Variants in SS18L1 observed in about 807,000 individuals in gnomAD.
The protein encoded by SS18L1 is calcium-responsive transactivator.
SS18L1 carries 32 observed loss-of-function variants against 70.3 expected under a neutral mutation model. That is an observed-to-expected ratio of 0.46 (90% CI 0.34 to 0.61). The LOEUF (loss-of-function observed/expected upper bound fraction) is 0.61, where lower values mean the gene tolerates loss of function less well. SS18L1 is among the 20% of genes least tolerant of loss of function. The pLI is 0.01. For missense variants in SS18L1, 430 were observed against 542.1 expected (o/e 0.79, Z 2.05); for synonymous variants, 237 against 229.7 (o/e 1.03, Z -0.29).
In SS18L1 at chr20:62,163,599, C is replaced by G; in HGVS notation, c.698C>G (p.Ala233Gly). The change falls in exon 6 of 11, where the codon GCG (alanine) becomes GGG (glycine). Residue 233 changes from alanine to glycine, a missense_variant. Physicochemically the swap from Ala to Gly is moderately conservative, Grantham distance 60. Coordinates refer to ENST00000331758, the MANE Select transcript of SS18L1 (RefSeq NM_198935.3). ...GSSMMGQRPM[A>G]PYRPSQQGSS... is the part of the protein sequence containing the mutation. ...AGCATGATGGGGCAGCGGCCCATGG[C>G]GCCCTACCGGCCCTCCCAGCAAGGT... 1 of 1,600,586 alleles carries G rather than the reference C, an allele frequency of 6.2e-7. No individual in the cohort carries two copies. The highest frequency in any genetic ancestry group is 8.5e-7 in the Non-Finnish European group (1 of 1,176,194).
Position 62,174,460 on chromosome 20 carries a change from A to C in SS18L1, c.1037-57A>C. ...TTAAAAAAAATTTTTAAGTTAAGAA[A>C]AAAAAAGAAAGAGGTGTCCGTTTTG... On this transcript the variant is annotated intron_variant, in intron 9 of 10. Transcript: ENST00000331758. This position sits in a 1 kb window ranked among gnomAD's most constrained non-coding sequence, Gnocchi z 4.1. The C allele has an allele frequency of 6.5e-7, 1 of 1,548,808 alleles. No homozygotes were observed. Among genetic ancestry groups the C allele is most frequent in the Non-Finnish European group, 8.7e-7 (1 of 1,150,430 alleles).
intron 1 of SS18L1, among the ~76,000 whole-genome samples, chr20:62,149,084 C>T (rs778036400): frequency 6.6e-6 from 1 of 152,360 alleles, no homozygotes; most frequent in Admixed American, 6.5e-5. Context: ...GCCTGGGCAC[C>T]TGCCTCTGTG....
chr20:62,176,540 C>T (rs775275064), intron 10 of SS18L1, among the ~76,000 whole-genome samples: 2 of 151,752 alleles, frequency 1.3e-5, no homozygotes, highest in East Asian at 3.9e-4. Context: ...AAAGGCCAGG[C>T]GTGGGGGCTT....
chr20:62,168,630 G>A (rs1338354503), intron 8 of SS18L1, among the ~76,000 whole-genome samples: 1 of 150,326 alleles, frequency 6.7e-6, no homozygotes, highest in Non-Finnish European at 1.5e-5. Context: ...ACCAGCCTAG[G>A]CAACATAGTA....
intron 8 of SS18L1, among the ~76,000 whole-genome samples, chr20:62,170,564 G>A (rs1487611462): frequency 6.6e-6 from 1 of 152,244 alleles, no homozygotes; most frequent in Admixed American, 6.5e-5. Flanking sequence ...CCCCACATCT[G>A]CCCGCCCCGT....
Position 62,165,439 on chromosome 20 carries a change from T to G in SS18L1, c.841T>G (p.Tyr281Asp). Residue 281 changes from tyrosine (Y) to aspartate (D), a missense_variant, in exon 8 of 11, where the codon TAC becomes GAC. Tyr to Asp is a radical substitution (Grantham distance 160). Coordinates refer to ENST00000331758, the MANE Select transcript of SS18L1 (RefSeq NM_198935.3). ...YYPDGHGDYA[Y>D]QQSSYTEQSY... Reference sequence around the variant, plus strand: ...TCGCACAGGCCATGGCGATTACGCCTACCAGCAGTCATCCTACACGGAGCA... The same window carrying G: ...TCGCACAGGCCATGGCGATTACGCCGACCAGCAGTCATCCTACACGGAGCA... 1 of 1,612,844 alleles carries G rather than the reference T, an allele frequency of 6.2e-7. No homozygotes were observed. The highest frequency in any genetic ancestry group is 8.5e-7 in the Non-Finnish European group (1 of 1,179,768).
chr20:62,172,611 G>A, intron 8 of SS18L1, 71 bp from the exon 9 acceptor site: 1 of 1,605,554 alleles, frequency 6.2e-7, no homozygotes, highest in Non-Finnish European at 8.5e-7. Context: ...ACCGTGTCGT[G>A]AGTGGGCCAC....
intron 10 of SS18L1, chr20:62,175,546 G>C: frequency 1.4e-6 from 1 of 705,676 alleles, no homozygotes; most frequent in Non-Finnish European, 1.7e-6. Flanking sequence ...GCATATGAAG[G>C]AGAATGGTCT....
At chr20:62,176,820 A>G (rs2057627699) in intron 10 of SS18L1, among the ~76,000 whole-genome samples, 1 of 152,118 alleles carries the variant, frequency 6.6e-6, no homozygotes, top group African/African-American at 2.4e-5. Flanking sequence ...ACACAGAGCA[A>G]TGGGGAAGAT....
At chr20:62,165,794 G>T (rs938188816) in intron 8 of SS18L1, among the ~76,000 whole-genome samples, 1 of 151,808 alleles carries the variant, frequency 6.6e-6, no homozygotes, top group Non-Finnish European at 1.5e-5. Context: ...GCCAGGGAGC[G>T]TGGGGCCTGC....
chr20:62,181,432 T>C lies in SS18L1; in HGVS notation c.*2224T>C, dbSNP rs1276940971. The C allele has an allele frequency of 4.8e-6, 1 of 208,038 alleles. No homozygotes were observed. The highest frequency in any genetic ancestry group is 7.3e-5 in the East Asian group (1 of 13,660). The allele number at this position is 208,038 out of a possible 1,614,324, so 12.9% of individuals were successfully genotyped here. ...ACATTTTAGATAACTGTGAAGATAGTTTATTTTTATTCCTTGCCAATCTGG... is the reference window on the plus strand; with the variant it reads ...ACATTTTAGATAACTGTGAAGATAGCTTATTTTTATTCCTTGCCAATCTGG... On this transcript the variant is annotated 3_prime_UTR_variant, in exon 11 of 11. Transcript: ENST00000331758.
intron 1 of SS18L1, among the ~76,000 whole-genome samples, chr20:62,149,857 T>C (rs908104521): frequency 2.6e-5 from 4 of 152,158 alleles, no homozygotes; most frequent in Non-Finnish European, 5.9e-5. Context: ...GAAAAAGCAG[T>C]GTCAGCACAT....
chr20:62,161,380 G>A lies in SS18L1; in HGVS notation c.232-56G>A. Reference sequence around the variant, plus strand: ...CCTCTCATCCCTGGCCTGGCTTGTGGAGGTCGCTCTCCGTAAATTAACCGT... The same window carrying A: ...CCTCTCATCCCTGGCCTGGCTTGTGAAGGTCGCTCTCCGTAAATTAACCGT... On this transcript the variant is annotated intron_variant, in intron 3 of 10. Coordinates refer to ENST00000331758, the MANE Select transcript of SS18L1 (RefSeq NM_198935.3). This position sits in a 1 kb window ranked among gnomAD's most constrained non-coding sequence, Gnocchi z 4.4. 1.2e-6 allele frequency: 2 copies of A among 1,612,006 alleles called. No homozygotes were observed. The highest frequency in any genetic ancestry group is 3.3e-5 in the Admixed American group (2 of 59,962).
intron 6 of SS18L1, 95 bp downstream of exon 6, chr20:62,163,717 A>G: frequency 7.0e-7 from 1 of 1,420,658 alleles, no homozygotes; most frequent in Non-Finnish European, 9.2e-7. Context: ...AGCCTGGGGG[A>G]GTGAGGCGGG....
At position 62,182,282 on chromosome 20, in the gene SS18L1, AGAC is replaced by A. The variant is rs1446820806; in HGVS notation, c.*3078_*3080del. ...GCACCCCTTCAAAACTGTACAAAGA[AGAC>A]GACTGTTTTCCATTTCCATTTAAAC... On this transcript the variant is annotated 3_prime_UTR_variant, in exon 11 of 11. Coordinates refer to ENST00000331758, the MANE Select transcript of SS18L1 (RefSeq NM_198935.3). 2 of 217,576 alleles carry A rather than the reference AGAC, an allele frequency of 9.2e-6. No homozygotes were observed. The highest frequency in any genetic ancestry group is 1.8e-5 in the Non-Finnish European group (2 of 108,410). 13.5% of individuals were successfully genotyped at this position (217,576 alleles called of 1,614,324 possible).
intron 8 of SS18L1, among the ~76,000 whole-genome samples, chr20:62,167,237 G>A (rs2057452032): frequency 6.7e-6 from 1 of 149,928 alleles, no homozygotes; most frequent in Non-Finnish European, 1.5e-5. Flanking sequence ...TAGAGATGGG[G>A]TTTCATCATG....
At chr20:62,155,701 C>T (rs956520724) in intron 1 of SS18L1, among the ~76,000 whole-genome samples, 76 of 152,330 alleles carry the variant, frequency 5.0e-4, no homozygotes, top group African/African-American at 1.7e-3. Context: ...CCAGCAGATC[C>T]TGGGCGACCC....
Position 62,180,380 on chromosome 20 carries a change from G to GA in SS18L1, c.*1179dup, listed in dbSNP as rs879347041. ...CACACTTGCAAAAGTATGGTCAAAGGAAAAAAATCCCACATTTCAATTAAC... is the reference window on the plus strand; with the variant it reads ...CACACTTGCAAAAGTATGGTCAAAGGAAAAAAAATCCCACATTTCAATTAAC... On this transcript the variant is annotated 3_prime_UTR_variant, in exon 11 of 11. Transcript: ENST00000331758. The GA allele has an allele frequency of 3.1e-4, 57 of 185,928 alleles. No individual in the cohort carries two copies. The highest frequency in any genetic ancestry group is 5.0e-4 in the Non-Finnish European group (44 of 88,094). The allele number at this position is 185,928 out of a possible 1,614,324, so 11.5% of individuals were successfully genotyped here.
intron 10 of SS18L1, among the ~76,000 whole-genome samples, chr20:62,178,141 C>CT (rs61157167): frequency 0.023 from 2,216 of 97,724 alleles, 76 homozygotes; most frequent in African/African-American, 0.049. Flanking sequence ...GTGGCTTATT[C>CT]TTTTTTTTTT....
Sources: gnomAD v4.1 joint callset for allele counts (sites outside exome capture counted in the v4.1 genomes callset) on GRCh38, gnomAD v4.1.1 for gene constraint, Gnocchi (gnomAD v3.1) non-coding constraint, MANE v1.5 for transcripts, NCBI Gene and HGNC (gene_info 2026-07-23, HGNC 2026-07-21) for gene names.